ATG5: variants seen among roughly 807,000 people sequenced by gnomAD.
The protein encoded by ATG5 is autophagy protein 5.
In ATG5, 14 loss-of-function variants were observed where a neutral mutation model predicts 36.5. That is an observed-to-expected ratio of 0.38 (90% confidence interval 0.25 to 0.60). The LOEUF (loss-of-function observed/expected upper bound fraction) is 0.60, where lower values mean the gene tolerates loss of function less well. Among genes scored for constraint, ATG5 ranks in the 20% least tolerant of loss-of-function variants. The pLI, the probability that ATG5 is intolerant of heterozygous loss-of-function variation, is 0.60. For synonymous variants in ATG5, 95 were observed against 101.5 expected, an observed-to-expected ratio of 0.94 and a Z score of 0.38; for missense variants, 195 against 326.7, an observed-to-expected ratio of 0.60 and a Z score of 3.11.
chr6:106,322,058 A>G (rs1402952699), intron 1 of ATG5, among the ~76,000 whole-genome samples: 6 of 152,192 alleles, frequency 3.9e-5, no homozygotes, highest in Admixed American at 1.3e-4. Context: ...ACACTACACC[A>G]TCCAATCACC....
At chr6:106,321,966 T>C (rs1323139775) in intron 1 of ATG5, among the ~76,000 whole-genome samples, 4 of 152,180 alleles carry the variant, frequency 2.6e-5, no homozygotes, top group Admixed American at 6.5e-5. Flanking sequence ...ATTTTCTCCC[T>C]AAACTCCTCT....
chr6:106,323,600 C>T (rs886242317), intron 1 of ATG5, among the ~76,000 whole-genome samples: 1 of 152,124 alleles, frequency 6.6e-6, no homozygotes, highest in Non-Finnish European at 1.5e-5. Context: ...CCTTCTTCTA[C>T]CTGACTGCTC....
At chr6:106,291,076 A>C (rs187138709) in intron 4 of ATG5, among the ~76,000 whole-genome samples, 2 of 152,330 alleles carry the variant, frequency 1.3e-5, no homozygotes, top group Admixed American at 6.5e-5. Context: ...CTTTCAAGTA[A>C]AATAATGGTG....
intron 7 of ATG5, among the ~76,000 whole-genome samples, chr6:106,199,692 T>C (rs1776345660): frequency 6.6e-6 from 1 of 152,180 alleles, no homozygotes; most frequent in African/African-American, 2.4e-5. Flanking sequence ...AAAACTCTTA[T>C]TGAAAGCTAA....
intron 5 of ATG5, among the ~76,000 whole-genome samples, chr6:106,265,669 T>C (rs746205394): frequency 2.0e-4 from 31 of 152,250 alleles, no homozygotes; most frequent in Non-Finnish European, 4.3e-4. Flanking sequence ...CAGACCACAG[T>C]GCAATCAAAT....
chr6:106,226,348 G>C (rs947171035), intron 6 of ATG5, among the ~76,000 whole-genome samples: 26 of 152,252 alleles, frequency 1.7e-4, no homozygotes, highest in African/African-American at 6.3e-4. Context: ...GGTTTCCAGA[G>C]TTATTCTGTT....
intron 6 of ATG5, among the ~76,000 whole-genome samples, chr6:106,223,631 A>G (rs928237373): frequency 3.3e-5 from 5 of 152,208 alleles, no homozygotes; most frequent in African/African-American, 1.2e-4. Flanking sequence ...TCACGCATTC[A>G]CTATAGGAGG....
At chr6:106,221,834 AAGTC>A (rs1199130280) in intron 6 of ATG5, among the ~76,000 whole-genome samples, 1 of 152,182 alleles carries the variant, frequency 6.6e-6, no homozygotes. Flanking sequence ...AGAAAATAGT[AAGTC>A]AGTAAGGTCA....
intron 7 of ATG5, among the ~76,000 whole-genome samples, chr6:106,195,808 TAAAAAAAAAAAA>T (rs35892579): frequency 1.4e-4 from 13 of 91,368 alleles, no homozygotes; most frequent in African/African-American, 5.2e-4. Flanking sequence ...TGCTCCCCTC[TAAAAAAAAAAAA>T]AAAAAAAAAA....
At chr6:106,315,977 T>G in intron 2 of ATG5, 124 bp downstream of exon 2, 1 of 703,708 alleles carries the variant, frequency 1.4e-6, no homozygotes, top group Non-Finnish European at 2.3e-6. Context: ...TTAATTTTTT[T>G]TCCAAAATAA....
chr6:106,189,006 T>G (rs1400200123), intron 7 of ATG5, among the ~76,000 whole-genome samples: 2 of 152,208 alleles, frequency 1.3e-5, no homozygotes, highest in African/African-American at 4.8e-5. Flanking sequence ...CTCTCTTATT[T>G]GTTACTCTGT....
chr6:106,225,077 T>C (rs534645660), intron 6 of ATG5, among the ~76,000 whole-genome samples: 87 of 152,360 alleles, frequency 5.7e-4, no homozygotes, highest in African/African-American at 1.6e-3. Flanking sequence ...ATTCCAGCTA[T>C]AGTGTGCAAT....
At chr6:106,316,462 TAAAGG>T (rs1185087837) in intron 1 of ATG5, among the ~76,000 whole-genome samples, 196 bp from the exon 2 acceptor site, 3 of 152,108 alleles carry the variant, frequency 2.0e-5, no homozygotes, top group Non-Finnish European at 4.4e-5. Flanking sequence ...ATTACTTATG[TAAAGG>T]AATCAGATCA....
At chr6:106,223,259 A>G (rs1777318194) in intron 6 of ATG5, among the ~76,000 whole-genome samples, 1 of 152,232 alleles carries the variant, frequency 6.6e-6, no homozygotes, top group African/African-American at 2.4e-5. Flanking sequence ...TACTCTTATA[A>G]CATGACAATT....
At chr6:106,274,669 G>C (rs1779576449) in intron 5 of ATG5, among the ~76,000 whole-genome samples, 1 of 151,998 alleles carries the variant, frequency 6.6e-6, no homozygotes, top group East Asian at 1.9e-4. Flanking sequence ...ATTCAAACAA[G>C]ACACTTCCTT....
intron 4 of ATG5, among the ~76,000 whole-genome samples, chr6:106,286,871 A>G (rs1393390092): frequency 2.0e-5 from 3 of 152,202 alleles, no homozygotes; most frequent in South Asian, 4.1e-4. Flanking sequence ...AACTAAGTCT[A>G]CAAGTGGATT....
intron 4 of ATG5, among the ~76,000 whole-genome samples, chr6:106,292,227 A>T (rs1780337782): frequency 6.6e-6 from 1 of 152,228 alleles, no homozygotes; most frequent in East Asian, 1.9e-4. Context: ...AACTAATATA[A>T]GAGACCGACA....
At chr6:106,209,316 A>G (rs1451407255) in intron 6 of ATG5, among the ~76,000 whole-genome samples, 1 of 152,214 alleles carries the variant, frequency 6.6e-6, no homozygotes, top group Non-Finnish European at 1.5e-5. Flanking sequence ...ACTGACTGTA[A>G]TAGGTCTGTC....
chr6:106,255,919 T>C (rs1326396106), intron 5 of ATG5, among the ~76,000 whole-genome samples: 2 of 152,154 alleles, frequency 1.3e-5, no homozygotes, highest in Admixed American at 1.3e-4. Flanking sequence ...TAACCTCCTG[T>C]TCTATTACTT....
Sources: allele counts gnomAD v4.1 joint callset (sites outside exome capture counted in the v4.1 genomes callset), GRCh38; gene constraint gnomAD v4.1.1; transcripts MANE v1.5; gene names NCBI Gene and HGNC (gene_info 2026-07-23, HGNC 2026-07-21).